Variants in PCP4 observed in about 807,000 individuals in gnomAD.
PCP4 encodes Purkinje cell protein 4.
Under a neutral mutation model 10.0 loss-of-function variants are expected in PCP4, and 8 were observed. That is an observed-to-expected ratio of 0.80 (90% CI 0.47 to 1.45). The LOEUF (loss-of-function observed/expected upper bound fraction) is 1.45. PCP4 is among the 40% of genes most tolerant of loss of function. PCP4 has a pLI of 0.00. For missense variants in PCP4, 54 were observed against 74.4 expected (o/e 0.73, Z 1.01); for synonymous variants, 21 against 23.0 (o/e 0.91, Z 0.24).
intron 2 of PCP4, among the ~76,000 whole-genome samples, chr21:39,900,774 C>T (rs1022780662): frequency 3.3e-5 from 5 of 152,014 alleles, no homozygotes; most frequent in East Asian, 1.9e-4. Flanking sequence ...TTCCTTAGCT[C>T]GGAACTCGAC....
At chr21:39,886,243 A>C (rs1336934855) in intron 1 of PCP4, among the ~76,000 whole-genome samples, 1 of 152,156 alleles carries the variant, frequency 6.6e-6, no homozygotes, top group East Asian at 1.9e-4. Flanking sequence ...AGCTCTGCCC[A>C]ATGTCAAGGA....
intron 2 of PCP4, among the ~76,000 whole-genome samples, chr21:39,913,012 C>G (rs991116121): frequency 5.9e-5 from 9 of 152,270 alleles, no homozygotes; most frequent in African/African-American, 1.9e-4. Context: ...CACCAAAACT[C>G]TACTCTTAGT....
intron 2 of PCP4, among the ~76,000 whole-genome samples, chr21:39,911,554 C>A (rs1326388079): frequency 6.6e-6 from 1 of 152,218 alleles, no homozygotes; most frequent in Non-Finnish European, 1.5e-5. Flanking sequence ...AGGTAGCCAA[C>A]ATTCTTTAGA....
intron 1 of PCP4, among the ~76,000 whole-genome samples, chr21:39,894,387 T>A (rs1482230550): frequency 6.6e-6 from 1 of 152,222 alleles, no homozygotes; most frequent in Non-Finnish European, 1.5e-5. Flanking sequence ...GCTGACAAAT[T>A]CGCAGATATC....
chr21:39,922,539 C>T (rs904422131), intron 2 of PCP4, among the ~76,000 whole-genome samples: 6 of 152,126 alleles, frequency 3.9e-5, no homozygotes, highest in African/African-American at 7.2e-5. Context: ...AATCAGGGGA[C>T]GTTCCAAGCC....
rs1413067758 is a variant in PCP4, at chr21:39,920,026, GGTGTAGGTATGTATGTGTGGTGTGTGT to G, written c.62-8950_62-8924del. Reference sequence around the variant, plus strand: ...TGATGTGTGATGTGTGTGGTGTGTGGGTGTAGGTATGTATGTGTGGTGTGTGTGTGTAGGGTGTGTTTGTGTGTGTGT... The same window carrying G: ...TGATGTGTGATGTGTGTGGTGTGTGGGTGTAGGGTGTGTTTGTGTGTGTGT... On this transcript the variant is annotated intron_variant, in intron 2 of 2. Transcript: ENST00000328619. Among the ~76,000 whole-genome samples the G allele has an allele frequency of 1.1e-4, 14 of 131,174 alleles. No individual in the cohort carries two copies. In the East Asian group the frequency reaches 3.1e-3, roughly 29 times the overall value. 86.1% of individuals were successfully genotyped at this position (131,174 alleles called of 152,430 possible).
intron 1 of PCP4, among the ~76,000 whole-genome samples, chr21:39,887,887 A>C (rs35018180): frequency 0.075 from 11,495 of 152,294 alleles, 488 homozygotes; most frequent in Middle Eastern, 0.095. Context: ...GACTGGAGGC[A>C]GTCCTGCATT....
intron 2 of PCP4, among the ~76,000 whole-genome samples, chr21:39,903,544 G>A (rs1439888503): frequency 6.6e-6 from 1 of 152,180 alleles, no homozygotes; most frequent in Non-Finnish European, 1.5e-5. Flanking sequence ...GTTTCAGTAG[G>A]TGTGGGGATA....
rs550410518 is a variant in PCP4, at chr21:39,923,259, C to G, written c.62-5725C>G. Among the ~76,000 whole-genome samples the G allele has an allele frequency of 1.9e-4, 29 of 152,352 alleles. No homozygotes were observed. The South Asian group carries it at 4.8e-3, about 25-fold the overall frequency. On this transcript the variant is annotated intron_variant, in intron 2 of 2. Coordinates refer to ENST00000328619, the MANE Select transcript of PCP4 (RefSeq NM_006198.3). ...AATTAGGCGTCTCTCTGAACCAGAA[C>G]AGGTTCTCAGAACTCCAGCCTGCCA...
intron 1 of PCP4, among the ~76,000 whole-genome samples, chr21:39,883,286 T>C (rs948127424): frequency 6.6e-6 from 1 of 152,136 alleles, no homozygotes; most frequent in Non-Finnish European, 1.5e-5. Flanking sequence ...TGGAGGTGCT[T>C]GCATGTTGAT....
In PCP4 at chr21:39,929,194, G is replaced by A; in HGVS notation, c.*83G>A. 7.1e-7 allele frequency: 1 copy of A among 1,407,036 alleles called. No homozygotes were observed. Among genetic ancestry groups the A allele is most frequent in the Admixed American group, 2.1e-5 (1 of 47,760 alleles). 87.2% of individuals were successfully genotyped at this position (1,407,036 alleles called of 1,614,324 possible). On this transcript the variant is annotated 3_prime_UTR_variant, in exon 3 of 3. Transcript: ENST00000328619. ...GAAATTAAAAGAACAACACCCTAGA[G>A]AGAAGTCATCCACACACAATCCACA...
At chr21:39,881,979 C>G (rs1339473203) in intron 1 of PCP4, among the ~76,000 whole-genome samples, 1 of 152,250 alleles carries the variant, frequency 6.6e-6, no homozygotes. Context: ...CAAGTTTTCT[C>G]TCCATCCAGT....
At chr21:39,899,936 T>C (rs1450504347) in intron 2 of PCP4, among the ~76,000 whole-genome samples, 1 of 152,206 alleles carries the variant, frequency 6.6e-6, no homozygotes, top group Non-Finnish European at 1.5e-5. Flanking sequence ...CATACATTCG[T>C]AGCCATCTGT....
intron 2 of PCP4, 71 bp downstream of exon 2, chr21:39,898,598 G>T: frequency 1.7e-6 from 2 of 1,163,374 alleles, no homozygotes; most frequent in South Asian, 2.5e-5. Context: ...AGCAGGTGCG[G>T]ATCATACATC....
chr21:39,886,515 G>C (rs545786705), intron 1 of PCP4, among the ~76,000 whole-genome samples: 40 of 152,344 alleles, frequency 2.6e-4, no homozygotes, highest in African/African-American at 8.2e-4. Context: ...TGAGGCAGGA[G>C]AATTGCTTGA....
At chr21:39,893,642 G>T (rs1291482247) in intron 1 of PCP4, among the ~76,000 whole-genome samples, 1 of 152,216 alleles carries the variant, frequency 6.6e-6, no homozygotes, top group East Asian at 1.9e-4. Flanking sequence ...GTGAATTCTG[G>T]TGTTGAACCT....
At chr21:39,927,322 C>CATCT (rs1337905828) in intron 2 of PCP4, among the ~76,000 whole-genome samples, 1 of 129,992 alleles carries the variant, frequency 7.7e-6, no homozygotes. Flanking sequence ...ATCTATCTAT[C>CATCT]ATCTATCTAT....
chr21:39,897,040 G>A (rs2087460046), intron 1 of PCP4, among the ~76,000 whole-genome samples: 1 of 152,076 alleles, frequency 6.6e-6, no homozygotes, highest in Admixed American at 6.6e-5. Flanking sequence ...CCACTCATTA[G>A]CTGCATGATC....
At chr21:39,903,760 C>T (rs971598244) in intron 2 of PCP4, among the ~76,000 whole-genome samples, 6 of 148,540 alleles carry the variant, frequency 4.0e-5, no homozygotes, top group Non-Finnish European at 3.0e-5. Context: ...CCCAGCTACT[C>T]GGGAGGCTGA....
Sources: allele counts gnomAD v4.1 joint callset (sites outside exome capture counted in the v4.1 genomes callset), GRCh38; gene constraint gnomAD v4.1.1; transcripts MANE v1.5; gene names NCBI Gene and HGNC (gene_info 2026-07-23, HGNC 2026-07-21).